The following TUSC3 variants were observed in gnomAD, a reference collection of about 807,000 sequenced individuals.
TUSC3 encodes the protein tumor suppressor candidate 3.
In TUSC3, 45 loss-of-function variants were observed where a neutral mutation model predicts 44.8. The observed-to-expected ratio is 1.00, with a 90% CI of 0.79 to 1.29. The LOEUF is 1.29. TUSC3 is among the 50% of genes most tolerant of loss of function. The probability of loss-of-function intolerance (pLI) is 0.00; values close to 1 mark genes in which losing one functional copy is unlikely to be tolerated. For missense variants in TUSC3, 519 were observed against 437.9 expected (o/e 1.19, Z -1.65); for synonymous variants, 212 against 152.9 (o/e 1.39, Z -2.85).
At chr8:15,742,513 G>C (rs1265603860) in intron 7 of TUSC3, among the ~76,000 whole-genome samples, 1 of 152,140 alleles carries the variant, frequency 6.6e-6, no homozygotes, top group Middle Eastern at 3.2e-3. Context: ...GACTCAGAGA[G>C]GAAATGTTCT....
At chr8:15,669,222 A>T (rs535561769) in intron 5 of TUSC3, among the ~76,000 whole-genome samples, 2 of 151,972 alleles carry the variant, frequency 1.3e-5, no homozygotes, top group South Asian at 4.1e-4. Flanking sequence ...AGAATGAGAA[A>T]GTCTTCATAC....
chr8:15,659,696 T>G, intron 4 of TUSC3, 49 bp downstream of exon 4: 2 of 1,604,294 alleles, frequency 1.2e-6, no homozygotes, highest in Non-Finnish European at 1.7e-6. Flanking sequence ...TTAGTTTGTT[T>G]TTATGGAGCA....
chr8:15,748,896 AAAGTT>A (rs993245922), intron 9 of TUSC3: 7 of 382,042 alleles, frequency 1.8e-5, no homozygotes, highest in Non-Finnish European at 3.5e-5. Flanking sequence ...ATGAAAGGGA[AAAGTT>A]AAGTAATAAA....
intron 6 of TUSC3, among the ~76,000 whole-genome samples, chr8:15,676,288 C>T (rs1328646080): frequency 1.3e-5 from 2 of 152,268 alleles, no homozygotes; most frequent in East Asian, 3.9e-4. Context: ...TCAGAAGTGT[C>T]TGTTCATGTC....
intron 2 of TUSC3, among the ~76,000 whole-genome samples, chr8:15,529,985 C>T (rs1801429704): frequency 8.3e-6 from 1 of 121,086 alleles, no homozygotes; most frequent in Non-Finnish European, 1.7e-5. Flanking sequence ...CGGGGTTTCA[C>T]CTTGTTAGCC....
chr8:15,590,733 G>A (rs1305458648), intron 1 of TUSC3, among the ~76,000 whole-genome samples: 1 of 151,576 alleles, frequency 6.6e-6, no homozygotes, highest in African/African-American at 2.4e-5. Flanking sequence ...GTGCTGTGGT[G>A]CAATCTTGGC....
chr8:15,850,732 T>C, the TUSC3 span, among the ~76,000 whole-genome samples: 3 of 152,208 alleles, frequency 2.0e-5, no homozygotes. Flanking sequence ...AACACGAAGA[T>C]GCCATAAAAA....
intron 1 of TUSC3, among the ~76,000 whole-genome samples, chr8:15,476,935 C>G (rs1037693522): frequency 6.6e-6 from 1 of 152,144 alleles, no homozygotes; most frequent in Non-Finnish European, 1.5e-5. Flanking sequence ...TGGAAGGCAG[C>G]CAATCAGAGG....
chr8:15,644,461 C>T (rs1036299396), intron 2 of TUSC3, among the ~76,000 whole-genome samples: 1 of 152,142 alleles, frequency 6.6e-6, no homozygotes, highest in African/African-American at 2.4e-5. Flanking sequence ...TTTAACTTGC[C>T]ATTTCAGATG....
At chr8:15,563,335 A>C (rs1802547097) in intron 1 of TUSC3, among the ~76,000 whole-genome samples, 1 of 152,032 alleles carries the variant, frequency 6.6e-6, no homozygotes, top group African/African-American at 2.4e-5. Context: ...TAGTCTCTGA[A>C]AGGCTACTGT....
intron 1 of TUSC3, among the ~76,000 whole-genome samples, chr8:15,473,736 C>G (rs1800530179): frequency 6.6e-6 from 1 of 152,168 alleles, no homozygotes; most frequent in Non-Finnish European, 1.5e-5. Context: ...CACAAGATCA[C>G]ATGCTTCAAA....
At chr8:15,697,108 G>T (rs1809202948) in intron 6 of TUSC3, among the ~76,000 whole-genome samples, 1 of 152,118 alleles carries the variant, frequency 6.6e-6, no homozygotes, top group Non-Finnish European at 1.5e-5. Context: ...TTGTATTTCA[G>T]TGGTGTCAGC....
chr8:15,591,363 A>G (rs894346674), intron 1 of TUSC3, among the ~76,000 whole-genome samples: 1 of 152,186 alleles, frequency 6.6e-6, no homozygotes, highest in Non-Finnish European at 1.5e-5. Context: ...CCTATAAAAC[A>G]TGTCATATAG....
At chr8:15,417,888 A>G (rs1799678538) in intron 1 of TUSC3, among the ~76,000 whole-genome samples, 1 of 152,112 alleles carries the variant, frequency 6.6e-6, no homozygotes, top group South Asian at 2.1e-4. Flanking sequence ...TAAGTCAAGG[A>G]AAGGAAGGAA....
chr8:15,461,135 C>T (rs1206262399), intron 1 of TUSC3, among the ~76,000 whole-genome samples: 1 of 151,716 alleles, frequency 6.6e-6, no homozygotes, highest in Non-Finnish European at 1.5e-5. Flanking sequence ...GTCATTTTCA[C>T]AGTACTGACT....
chr8:15,814,810 G>A, the TUSC3 span, among the ~76,000 whole-genome samples: 1 of 152,104 alleles, frequency 6.6e-6, no homozygotes, highest in African/African-American at 2.4e-5. Context: ...AAATATTCAT[G>A]AATATCTTGC....
intron 1 of TUSC3, among the ~76,000 whole-genome samples, chr8:15,430,972 T>A (rs1310669324): frequency 6.6e-6 from 1 of 151,798 alleles, no homozygotes; most frequent in Non-Finnish European, 1.5e-5. Flanking sequence ...TATTGTAATC[T>A]TTGGTTAAAG....
chr8:15,519,291 A>G (rs1801262648), intron 2 of TUSC3, among the ~76,000 whole-genome samples: 1 of 152,210 alleles, frequency 6.6e-6, no homozygotes, highest in Admixed American at 6.6e-5. Flanking sequence ...AGACATTTAT[A>G]TCTTTTTATA....
At chr8:15,641,154 A>G (rs962789687) in intron 2 of TUSC3, among the ~76,000 whole-genome samples, 11 of 151,796 alleles carry the variant, frequency 7.2e-5, no homozygotes, top group Admixed American at 6.6e-5. Context: ...AGGTCAAGAG[A>G]TCGAGACCAT....
Sources: allele counts gnomAD v4.1 joint callset (sites outside exome capture counted in the v4.1 genomes callset), GRCh38; gene constraint gnomAD v4.1.1; transcripts MANE v1.5; gene names NCBI Gene and HGNC (gene_info 2026-07-23, HGNC 2026-07-21).